The following CAMTA1 variants were observed in gnomAD, a reference collection of about 807,000 sequenced individuals.
The protein encoded by CAMTA1 is calmodulin binding transcription activator 1, also known as calmodulin-binding transcription activator 1.
A neutral mutation model predicts 170.9 loss-of-function variants in CAMTA1; 27 were observed. The observed-to-expected ratio is 0.16, with a 90% CI of 0.12 to 0.22. The LOEUF (loss-of-function observed/expected upper bound fraction) is 0.22, where lower values mean the gene tolerates loss of function less well. Ranked by LOEUF, CAMTA1 falls within the 10% of genes least tolerant of loss-of-function variation. The pLI, the probability that CAMTA1 is intolerant of heterozygous loss-of-function variation, is 1.00. For synonymous variants in CAMTA1, 833 were observed against 891.5 expected (o/e 0.93, Z 1.17); for missense variants, 1,619 against 2,217.2 (o/e 0.73, Z 5.42).
At chr1:7,027,509 G>A (rs1464097304) in intron 3 of CAMTA1, among the ~76,000 whole-genome samples, 1 of 152,044 alleles carries the variant, frequency 6.6e-6, no homozygotes, top group East Asian at 1.9e-4. Context: ...TCTTCACTTG[G>A]GTCCACATTT....
At chr1:7,508,752 T>A (rs1057421470) in intron 6 of CAMTA1, among the ~76,000 whole-genome samples, 12 of 151,826 alleles carry the variant, frequency 7.9e-5, no homozygotes, top group African/African-American at 2.9e-4. Context: ...GGAGGGACAG[T>A]CCTAGAATAG....
intron 1 of CAMTA1, among the ~76,000 whole-genome samples, chr1:6,797,350 C>T (rs1367766203): frequency 6.6e-6 from 1 of 151,796 alleles, no homozygotes; most frequent in Non-Finnish European, 1.5e-5. Flanking sequence ...CATGAACCAC[C>T]ACGTTCGGCT....
intron 3 of CAMTA1, among the ~76,000 whole-genome samples, chr1:6,942,456 G>A (rs1023655616): frequency 4.6e-5 from 7 of 152,002 alleles, no homozygotes; most frequent in East Asian, 1.9e-4. Flanking sequence ...CCAGGAGTTC[G>A]AGAGCAGCCT....
intron 3 of CAMTA1, among the ~76,000 whole-genome samples, chr1:7,069,242 G>C (rs1161164824): frequency 6.6e-6 from 1 of 152,242 alleles, no homozygotes; most frequent in Non-Finnish European, 1.5e-5. Flanking sequence ...ATGCTATGCA[G>C]AAGGTGGTTG....
chr1:7,118,985 T>A (rs1468479458), intron 4 of CAMTA1, among the ~76,000 whole-genome samples: 1 of 152,206 alleles, frequency 6.6e-6, no homozygotes, highest in East Asian at 1.9e-4. Context: ...TTTATCTTTG[T>A]GTGGGATGAG....
At chr1:7,610,404 A>G (rs933800812) in intron 6 of CAMTA1, among the ~76,000 whole-genome samples, 1 of 152,210 alleles carries the variant, frequency 6.6e-6, no homozygotes, top group Non-Finnish European at 1.5e-5. Context: ...GGGTCAAATG[A>G]AGGGAATTCC....
At chr1:7,493,430 CACACACAA>C (rs1362024210) in intron 6 of CAMTA1, among the ~76,000 whole-genome samples, 3 of 86,744 alleles carry the variant, frequency 3.5e-5, no homozygotes, top group Admixed American at 3.3e-4. Context: ...TACACACATG[CACACACAA>C]ACATACAAAC....
chr1:7,327,580 G>A (rs2082767050), intron 5 of CAMTA1, among the ~76,000 whole-genome samples: 1 of 152,140 alleles, frequency 6.6e-6, no homozygotes, highest in Admixed American at 6.5e-5. Flanking sequence ...ATGTTTCCCT[G>A]CAGGTTGGAA....
chr1:7,073,639 A>T (rs1638928708), intron 3 of CAMTA1, among the ~76,000 whole-genome samples: 1 of 152,218 alleles, frequency 6.6e-6, no homozygotes, highest in South Asian at 2.1e-4. Flanking sequence ...CAATGAGGAG[A>T]GAGGGTTATC....
chr1:7,519,954 G>A (rs11120960), intron 6 of CAMTA1, among the ~76,000 whole-genome samples: 8,930 of 151,058 alleles, frequency 0.059, 859 homozygotes, highest in African/African-American at 0.19. Context: ...CAGTTGTCCC[G>A]TGCTGGCCCA....
At chr1:7,448,638 G>A (rs1049346570) in intron 5 of CAMTA1, among the ~76,000 whole-genome samples, 1 of 152,182 alleles carries the variant, frequency 6.6e-6, no homozygotes, top group Admixed American at 6.5e-5. Context: ...CAGCAGGTTC[G>A]GTATCTGGTG....
intron 3 of CAMTA1, among the ~76,000 whole-genome samples, chr1:6,902,197 T>C (rs1677256283): frequency 6.6e-6 from 1 of 152,196 alleles, no homozygotes; most frequent in African/African-American, 2.4e-5. Flanking sequence ...AATCTGCATT[T>C]ACAGCAAGAC....
At chr1:7,009,464 C>T (rs1244874160) in intron 3 of CAMTA1, among the ~76,000 whole-genome samples, 1 of 152,202 alleles carries the variant, frequency 6.6e-6, no homozygotes, top group Non-Finnish European at 1.5e-5. Flanking sequence ...GCTGCAGTGT[C>T]CCTGTCCGGC....
chr1:7,256,202 C>G (rs1667337353), intron 5 of CAMTA1, among the ~76,000 whole-genome samples: 1 of 152,166 alleles, frequency 6.6e-6, no homozygotes, highest in African/African-American at 2.4e-5. Flanking sequence ...TGTTTCTACC[C>G]AATTCATATA....
At chr1:7,017,335 G>A (rs1391782181) in intron 3 of CAMTA1, among the ~76,000 whole-genome samples, 10 of 152,162 alleles carry the variant, frequency 6.6e-5, no homozygotes. Context: ...TGAAAGAGAT[G>A]GTTTCTGTAG....
chr1:6,911,432 A>G (rs1557812121), intron 3 of CAMTA1, among the ~76,000 whole-genome samples: 1 of 152,244 alleles, frequency 6.6e-6, no homozygotes, highest in Non-Finnish European at 1.5e-5. Context: ...AGAGAGAGAT[A>G]TGAGCCACAA....
rs1398036110 is a variant in CAMTA1 at position 6,965,070 on chromosome 1, T to G, written c.235-126234T>G. On this transcript the variant is annotated intron_variant, in intron 3 of 22. Coordinates refer to ENST00000303635, the MANE Select transcript of CAMTA1 (RefSeq NM_015215.4). This position sits in a 1 kb window ranked among gnomAD's most constrained non-coding sequence, Gnocchi z 4.1. ...TGTCTGGGAGACTTGCCTGACCCTC[T>G]CTTACTTGGGTGCATGGTGCTGGCA... Among the ~76,000 whole-genome samples, 1 of 152,336 alleles carries G rather than the reference T, an allele frequency of 6.6e-6. No individual in the cohort carries two copies. Among genetic ancestry groups the G allele is most frequent in the East Asian group, 1.9e-4 (1 of 5,188 alleles).
intron 11 of CAMTA1, among the ~76,000 whole-genome samples, chr1:7,730,926 C>CTA (rs768298597): frequency 1.5e-4 from 19 of 130,698 alleles, no homozygotes; most frequent in African/African-American, 5.2e-4. Flanking sequence ...CTCTCTCTCT[C>CTA]TCTATATATA....
At chr1:7,450,977 G>A (rs146801744) in intron 5 of CAMTA1, among the ~76,000 whole-genome samples, 9 of 152,332 alleles carry the variant, frequency 5.9e-5, no homozygotes, top group Admixed American at 1.3e-4. Context: ...GGAGGTCGGC[G>A]AAGGTGTTAG....
Sources: allele counts gnomAD v4.1 joint callset (sites outside exome capture counted in the v4.1 genomes callset), GRCh38; gene constraint gnomAD v4.1.1; non-coding constraint Gnocchi (gnomAD v3.1); transcripts MANE v1.5; gene names NCBI Gene and HGNC (gene_info 2026-07-23, HGNC 2026-07-21).